Variants in CCDC88C observed in about 807,000 individuals in gnomAD.
CCDC88C encodes protein Daple.
In CCDC88C, 131 loss-of-function variants were observed where a neutral mutation model predicts 198.8. That is an observed-to-expected ratio of 0.66 (90% CI 0.57 to 0.76). CCDC88C has a LOEUF of 0.76. Ranked by LOEUF, CCDC88C falls within the 30% of genes least tolerant of loss-of-function variation. CCDC88C has a pLI of 0.00. For missense variants in CCDC88C, 2,553 were observed against 2,631.6 expected (o/e 0.97, Z 0.65); for synonymous variants, 1,166 against 1,114.7 (o/e 1.05, Z -0.92).
chr14:91,384,678 C>T, intron 3 of CCDC88C: 1 of 366,698 alleles, frequency 2.7e-6, no homozygotes, highest in Non-Finnish European at 5.3e-6. Context: ...CCTGGGACGC[C>T]CATCAGCTGC....
chr14:91,303,183 G>A (rs374287722), intron 20 of CCDC88C, among the ~76,000 whole-genome samples: 3 of 151,798 alleles, frequency 2.0e-5, no homozygotes, highest in South Asian at 4.2e-4. Flanking sequence ...CCCGCTGCAG[G>A]CCTACCCAGG....
At chr14:91,287,290 G>C (rs181865047) in intron 25 of CCDC88C, among the ~76,000 whole-genome samples, 31 of 152,250 alleles carry the variant, frequency 2.0e-4, no homozygotes, top group African/African-American at 7.5e-4. Flanking sequence ...TTACGGTGCT[G>C]ACTCTATCTA....
rs752770159 is a variant in CCDC88C at position 91,342,513 on chromosome 14, A to G, written c.400-50T>C. ...GGAAGCGCTGTTCAAGTGAGGGTGA[A>G]GCTGAGTCCACCACAGCCACAGAAT... On this transcript the variant is annotated intron_variant, in intron 5 of 29. Transcript: ENST00000389857. The G allele has an allele frequency of 5.9e-6, 7 of 1,178,034 alleles. No individual in the cohort carries two copies. The South Asian group carries it at 9.1e-5, about 15-fold the overall frequency. The allele number at this position is 1,178,034 out of a possible 1,614,324, so 73.0% of individuals were successfully genotyped here.
intron 3 of CCDC88C, among the ~76,000 whole-genome samples, chr14:91,369,881 A>AC (rs1894708411): frequency 6.6e-6 from 1 of 152,098 alleles, no homozygotes; most frequent in African/African-American, 2.4e-5. Context: ...TAACAAGGCC[A>AC]CCCGTGTCTC....
At chr14:91,279,169 A>C in intron 28 of CCDC88C, 69 bp downstream of exon 28, 1 of 1,341,242 alleles carries the variant, frequency 7.5e-7, no homozygotes, top group Non-Finnish European at 1.0e-6. Flanking sequence ...CAAAGTGCTG[A>C]TTATAGGCAT....
intron 3 of CCDC88C, among the ~76,000 whole-genome samples, chr14:91,389,111 T>C (rs1378467062): frequency 6.6e-6 from 1 of 152,174 alleles, no homozygotes; most frequent in Non-Finnish European, 1.5e-5. Flanking sequence ...GTCCCCCACC[T>C]GAATGAGGAG....
intron 24 of CCDC88C, 55 bp from the exon 25 acceptor site, chr14:91,289,398 G>A (rs1219241023): frequency 1.3e-6 from 2 of 1,491,274 alleles, no homozygotes; most frequent in Admixed American, 3.3e-5. Context: ...ACCCCCAGTG[G>A]GTCCCTGGTT....
chr14:91,328,267 T>C (rs1330839257), intron 10 of CCDC88C, among the ~76,000 whole-genome samples: 2 of 152,144 alleles, frequency 1.3e-5, no homozygotes, highest in African/African-American at 4.8e-5. Flanking sequence ...CATTTCAACC[T>C]CCACTATACA....
rs1467949901 is a variant in CCDC88C at position 91,358,230 on chromosome 14, C to G, written c.340+1412G>C. On this transcript the variant is annotated intron_variant, in intron 4 of 29. Transcript: ENST00000389857. Reference sequence around the variant, plus strand: ...AGTGAACTCTTCTAAAGTCTCAAGGCCACTAGCTACTGTCATACGGACAGG... The same window carrying G: ...AGTGAACTCTTCTAAAGTCTCAAGGGCACTAGCTACTGTCATACGGACAGG... Among the ~76,000 whole-genome samples the G allele has an allele frequency of 2.0e-5, 3 of 152,212 alleles. 1 individual carries two copies. The South Asian group carries it at 6.2e-4, about 31-fold the overall frequency.
At position 91,385,541 on chromosome 14, in the gene CCDC88C, C is replaced by G. The variant is rs183372430; in HGVS notation, c.270+23118G>C. 2.4e-4 allele frequency among the ~76,000 whole-genome samples: 37 copies of G among 152,330 alleles called. No homozygotes were observed. The East Asian group carries it at 4.8e-3, about 20-fold the overall frequency. On this transcript the variant is annotated intron_variant, in intron 3 of 29. Transcript: ENST00000389857. ...CGTGCCCACTTGGCCCACAGAAAACCTGTGTTTGGAGAAGGGCCTCAGGTC... is the reference window on the plus strand; with the variant it reads ...CGTGCCCACTTGGCCCACAGAAAACGTGTGTTTGGAGAAGGGCCTCAGGTC...
intron 22 of CCDC88C, among the ~76,000 whole-genome samples, chr14:91,295,265 GA>G (rs1462344464): frequency 6.6e-6 from 1 of 152,194 alleles, no homozygotes; most frequent in African/African-American, 2.4e-5. Flanking sequence ...GAACTGGAAG[GA>G]AAAAGGAGGT....
intron 23 of CCDC88C, among the ~76,000 whole-genome samples, chr14:91,293,477 A>C (rs1890814667): frequency 8.0e-6 from 1 of 125,698 alleles, no homozygotes; most frequent in Non-Finnish European, 1.7e-5. Context: ...CTCACCTGCC[A>C]CAGCTCACCT....
At chr14:91,310,562 C>G (rs1278712338) in intron 15 of CCDC88C, among the ~76,000 whole-genome samples, 4 of 152,078 alleles carry the variant, frequency 2.6e-5, no homozygotes, top group African/African-American at 9.7e-5. Flanking sequence ...AGGTGTGCAC[C>G]AGCACACCTG....
intron 2 of CCDC88C, among the ~76,000 whole-genome samples, chr14:91,410,529 C>T (rs1241789758): frequency 6.6e-6 from 1 of 152,170 alleles, no homozygotes; most frequent in African/African-American, 2.4e-5. Flanking sequence ...TTACATGTTA[C>T]ATGTTTCTCT....
rs1224038883 is a variant in CCDC88C, at chr14:91,272,910, G to A, written c.5802C>T (p.Ala1934=). 1 of 1,576,416 alleles carries A rather than the reference G, an allele frequency of 6.3e-7. No homozygotes were observed. Among genetic ancestry groups the A allele is most frequent in the Non-Finnish European group, 8.6e-7 (1 of 1,165,626 alleles). ...CCTTGGGCTTGGTCCTGGCAGCCGG[G>A]GCTGCAGCAGGTGAGAAGTGCAGGA... ...SQLLHFSPAA[A]PAARTKPKAP... The change falls in exon 30 of 30, where the codon GCC becomes GCT. Residue 1934 remains alanine (A), a synonymous_variant. Transcript: ENST00000389857.
chr14:91,393,619 G>C (rs552111360), intron 3 of CCDC88C, among the ~76,000 whole-genome samples: 45 of 152,332 alleles, frequency 3.0e-4, no homozygotes, highest in African/African-American at 1.1e-3. Context: ...ACTCGCCTCT[G>C]CAACTTAGTC....
chr14:91,308,582 A>G (rs905035430), intron 16 of CCDC88C, 90 bp from the exon 17 acceptor site: 15 of 1,337,466 alleles, frequency 1.1e-5, no homozygotes, highest in Middle Eastern at 1.8e-4. Flanking sequence ...CACTCCTTCC[A>G]TTAGGCTGGG....
chr14:91,285,548 G>A, intron 25 of CCDC88C: 1 of 879,982 alleles, frequency 1.1e-6, no homozygotes, highest in Non-Finnish European at 1.6e-6. Flanking sequence ...GCTTGAAATT[G>A]GGGGCAGGAG....
At chr14:91,366,540 G>A (rs1004218239) in intron 3 of CCDC88C, among the ~76,000 whole-genome samples, 1 of 151,836 alleles carries the variant, frequency 6.6e-6, no homozygotes, top group Non-Finnish European at 1.5e-5. Context: ...CCATGTATCT[G>A]TATCTATATC....
Sources: allele counts gnomAD v4.1 joint callset (sites outside exome capture counted in the v4.1 genomes callset), GRCh38; gene constraint gnomAD v4.1.1; transcripts MANE v1.5; gene names NCBI Gene and HGNC (gene_info 2026-07-23, HGNC 2026-07-21).